Variants in GRIK1 observed in about 807,000 individuals in gnomAD.
The protein encoded by GRIK1 is glutamate ionotropic receptor kainate type subunit 1.
Under a neutral mutation model 105.7 loss-of-function variants are expected in GRIK1, and 69 were observed. That is an observed-to-expected ratio of 0.65 (90% CI 0.54 to 0.80). The LOEUF (loss-of-function observed/expected upper bound fraction) is 0.80. Ranked by LOEUF, GRIK1 falls within the 30% of genes least tolerant of loss-of-function variation. The pLI, the probability that GRIK1 is intolerant of heterozygous loss-of-function variation, is 0.00. For missense variants in GRIK1, 1,109 were observed against 1,167.3 expected, an observed-to-expected ratio of 0.95 and a Z score of 0.73; for synonymous variants, 438 against 431.3, an observed-to-expected ratio of 1.02 and a Z score of -0.19.
chr21:29,755,860 A>G (rs1246984899), intron 1 of GRIK1, among the ~76,000 whole-genome samples: 4 of 152,230 alleles, frequency 2.6e-5, no homozygotes, highest in African/African-American at 7.2e-5. Context: ...AAAACCTGTC[A>G]TGAATTGAGT....
rs1450932098 is a variant in GRIK1, at chr21:29,689,655, T to C, written c.544+73A>G. 14 of 1,339,472 alleles carry C rather than the reference T, an allele frequency of 1.0e-5. No homozygotes were observed. In the Admixed American group the frequency reaches 2.4e-4, roughly 23 times the overall value. The allele number at this position is 1,339,472 out of a possible 1,614,324, so 83.0% of individuals were successfully genotyped here. On this transcript the variant is annotated intron_variant, in intron 3 of 17. Coordinates refer to ENST00000327783, the MANE Select transcript of GRIK1 (RefSeq NM_001330994.2). The stretch of plus-strand genomic sequence containing the variant: ...TTTATGCTCCATCTGATGAGTTTAA[T>C]GACTATTTGATACTTTCGTTCTGTT...
chr21:29,905,483 C>A (rs1016270632), intron 1 of GRIK1, among the ~76,000 whole-genome samples: 29 of 151,100 alleles, frequency 1.9e-4, no homozygotes, highest in African/African-American at 7.0e-4. Context: ...TTTCACTCTT[C>A]CACCCAGGCT....
chr21:29,590,597 C>T (rs2061319015), intron 10 of GRIK1, among the ~76,000 whole-genome samples: 1 of 152,160 alleles, frequency 6.6e-6, no homozygotes, highest in Non-Finnish European at 1.5e-5. Flanking sequence ...AGGAAACCTG[C>T]ACCACCCAGG....
At chr21:29,808,411 A>G (rs902355633) in intron 1 of GRIK1, among the ~76,000 whole-genome samples, 3 of 152,184 alleles carry the variant, frequency 2.0e-5, no homozygotes, top group African/African-American at 7.2e-5. Context: ...TTCTGAATAC[A>G]TACCAACTGG....
rs1364555487 is a variant in GRIK1, at chr21:29,795,081, G to GCTCA, written c.119-101019_119-101018insTGAG. On this transcript the variant is annotated intron_variant, in intron 1 of 17. Coordinates refer to ENST00000327783, the MANE Select transcript of GRIK1 (RefSeq NM_001330994.2). ...GATGGAGTCTCCCTCTGTCACCCAG[G>GCTCA]CTGGAGTGCAGTGGTGCAATCTTGG... Among the ~76,000 whole-genome samples, 195 of 131,610 alleles carry GCTCA rather than the reference G, an allele frequency of 1.5e-3. 2 individuals are homozygous for GCTCA. Among genetic ancestry groups the GCTCA allele is most frequent in the African/African-American group, 5.4e-3 (186 of 34,206 alleles). 86.3% of individuals were successfully genotyped at this position (131,610 alleles called of 152,430 possible).
At chr21:29,619,501 G>A (rs1404163113) in intron 7 of GRIK1, among the ~76,000 whole-genome samples, 2 of 152,060 alleles carry the variant, frequency 1.3e-5, no homozygotes, top group East Asian at 3.9e-4. Flanking sequence ...GGAAGGGGGT[G>A]AGCGGTAAAA....
Position 29,723,319 on chromosome 21 carries a change from A to G in GRIK1, c.119-29256T>C, listed in dbSNP as rs140457394. On this transcript the variant is annotated intron_variant, in intron 1 of 17. Transcript: ENST00000327783. Reference sequence around the variant, plus strand: ...GGAATTTATTTCTCATTATAAAGGCATCTGGAATTGAATCTTAACTGTTAT... The same window carrying G: ...GGAATTTATTTCTCATTATAAAGGCGTCTGGAATTGAATCTTAACTGTTAT... Among the ~76,000 whole-genome samples, 657 of 152,394 alleles carry G rather than the reference A, an allele frequency of 4.3e-3. 6 individuals are homozygous for G. The highest frequency in any genetic ancestry group is 0.015 in the African/African-American group (642 of 41,594).
intron 1 of GRIK1, among the ~76,000 whole-genome samples, chr21:29,782,238 C>T (rs2145784102): frequency 6.6e-6 from 1 of 151,808 alleles, no homozygotes; most frequent in East Asian, 2.0e-4. Context: ...AGGCGCCCGC[C>T]ACCAAGCCTG....
intron 1 of GRIK1, among the ~76,000 whole-genome samples, chr21:29,857,219 C>A (rs1488370020): frequency 6.6e-6 from 1 of 151,982 alleles, no homozygotes; most frequent in Non-Finnish European, 1.5e-5. Flanking sequence ...GTAGCCCAGG[C>A]AAGAAAAAAT....
chr21:29,920,631 A>G (rs926850671), intron 1 of GRIK1, among the ~76,000 whole-genome samples: 1 of 152,072 alleles, frequency 6.6e-6, no homozygotes, highest in Non-Finnish European at 1.5e-5. Flanking sequence ...GTGCCTTTCC[A>G]TGAGCTCCAT....
intron 16 of GRIK1, among the ~76,000 whole-genome samples, chr21:29,554,571 A>G (rs906107245): frequency 1.4e-4 from 22 of 152,162 alleles, no homozygotes; most frequent in Admixed American, 1.2e-3. Context: ...CCTTTTACAA[A>G]TCTTACTTTG....
chr21:29,908,478 A>G (rs2070717128), intron 1 of GRIK1, among the ~76,000 whole-genome samples: 1 of 152,158 alleles, frequency 6.6e-6, no homozygotes, highest in Non-Finnish European at 1.5e-5. Flanking sequence ...AGGAAGCCGA[A>G]CAGCAGAGCG....
At chr21:29,751,335 C>T (rs888506566) in intron 1 of GRIK1, among the ~76,000 whole-genome samples, 1 of 152,104 alleles carries the variant, frequency 6.6e-6, no homozygotes, top group Non-Finnish European at 1.5e-5. Context: ...AAGAAAGCTG[C>T]CTCACACCAC....
intron 1 of GRIK1, among the ~76,000 whole-genome samples, chr21:29,866,972 C>T (rs373106824): frequency 6.6e-6 from 1 of 152,324 alleles, no homozygotes; most frequent in African/African-American, 2.4e-5. Context: ...GTGAGCCTCA[C>T]ATATTTGTTT....
intron 1 of GRIK1, among the ~76,000 whole-genome samples, chr21:29,706,919 C>A (rs1436374676): frequency 2.0e-5 from 3 of 152,110 alleles, no homozygotes; most frequent in Non-Finnish European, 4.4e-5. Context: ...GGCTGGAGTG[C>A]AGTGGTGAGA....
chr21:29,861,585 G>A, intron 1 of GRIK1: 1 of 279,764 alleles, frequency 3.6e-6, no homozygotes, highest in Non-Finnish European at 6.5e-6. Context: ...GGGATTATAG[G>A]TGTGAGCCAA....
At chr21:29,736,123 T>C (rs1451458172) in intron 1 of GRIK1, among the ~76,000 whole-genome samples, 4 of 152,218 alleles carry the variant, frequency 2.6e-5, no homozygotes, top group Non-Finnish European at 5.9e-5. Context: ...TCAGTTTCAT[T>C]ACCTGTGAAG....
At chr21:29,912,313 G>A (rs765134795) in intron 1 of GRIK1, among the ~76,000 whole-genome samples, 6 of 151,950 alleles carry the variant, frequency 3.9e-5, no homozygotes, top group Admixed American at 6.6e-5. Context: ...CATGCCAGCC[G>A]CTAGATAACC....
chr21:29,666,875 T>TCAGATAAG (rs1451412333), intron 4 of GRIK1, among the ~76,000 whole-genome samples: 1 of 152,206 alleles, frequency 6.6e-6, no homozygotes, highest in African/African-American at 2.4e-5. Flanking sequence ...TTTTTTTTCC[T>TCAGATAAG]TTCAAAGCCT....
Sources: gnomAD v4.1 joint callset for allele counts (sites outside exome capture counted in the v4.1 genomes callset) on GRCh38, gnomAD v4.1.1 for gene constraint, MANE v1.5 for transcripts, NCBI Gene and HGNC (gene_info 2026-07-23, HGNC 2026-07-21) for gene names.